Variants in BMERB1 observed in about 807,000 individuals in gnomAD.
BMERB1 encodes bMERB domain containing 1, also known as bMERB domain-containing protein 1.
Under a neutral mutation model 23.6 loss-of-function variants are expected in BMERB1, and 12 were observed. The observed-to-expected ratio is 0.51, with a 90% CI of 0.33 to 0.82. The LOEUF (loss-of-function observed/expected upper bound fraction) is 0.82. Among genes scored for constraint, BMERB1 ranks in the 40% least tolerant of loss-of-function variants. The pLI, the probability that BMERB1 is intolerant of heterozygous loss-of-function variation, is 0.03. For synonymous variants in BMERB1, 122 were observed against 96.6 expected, an observed-to-expected ratio of 1.26 and a Z score of -1.54; for missense variants, 247 against 255.4, an observed-to-expected ratio of 0.97 and a Z score of 0.22.
At chr16:15,480,357 G>T (rs749867582) in intron 1 of BMERB1, among the ~76,000 whole-genome samples, 16 of 151,816 alleles carry the variant, frequency 1.1e-4, no homozygotes, top group African/African-American at 3.9e-4. Context: ...CTCGTGATCC[G>T]CCCGTCTAGG....
At chr16:15,542,506 A>G (rs2052096255) in intron 2 of BMERB1, among the ~76,000 whole-genome samples, 1 of 152,120 alleles carries the variant, frequency 6.6e-6, no homozygotes, top group Non-Finnish European at 1.5e-5. Flanking sequence ...TATGGATAAC[A>G]AAAGACAGTC....
intron 2 of BMERB1, among the ~76,000 whole-genome samples, chr16:15,550,229 C>T (rs142229687): frequency 1.2e-4 from 18 of 152,228 alleles, no homozygotes; most frequent in South Asian, 1.0e-3. Context: ...TGTGAGCCAC[C>T]GCGCCCGGCC....
intron 1 of BMERB1, among the ~76,000 whole-genome samples, chr16:15,458,640 C>T (rs2051107873): frequency 6.6e-6 from 1 of 151,162 alleles, no homozygotes; most frequent in East Asian, 1.9e-4. Context: ...TTGTTTGAGC[C>T]CAGAAGGTCA....
chr16:15,535,731 A>C (rs1057140384), intron 2 of BMERB1, among the ~76,000 whole-genome samples: 3 of 151,992 alleles, frequency 2.0e-5, no homozygotes, highest in African/African-American at 4.8e-5. Context: ...ATTTTGTATT[A>C]GTCCATTTTC....
At chr16:15,510,292 A>G (rs1165778856) in intron 1 of BMERB1, among the ~76,000 whole-genome samples, 1 of 152,172 alleles carries the variant, frequency 6.6e-6, no homozygotes, top group Non-Finnish European at 1.5e-5. Flanking sequence ...TGCCTGGACC[A>G]GAGGCAGCTG....
intron 1 of BMERB1, among the ~76,000 whole-genome samples, chr16:15,501,024 T>C (rs1303226922): frequency 6.6e-6 from 1 of 152,228 alleles, no homozygotes; most frequent in Non-Finnish European, 1.5e-5. Flanking sequence ...CCAAAAAGGA[T>C]ATAAAACATC....
chr16:15,475,762 A>C (rs1042109077), intron 1 of BMERB1, among the ~76,000 whole-genome samples: 1 of 152,218 alleles, frequency 6.6e-6, no homozygotes, highest in Non-Finnish European at 1.5e-5. Flanking sequence ...CAGCAGGGGA[A>C]TCAGACTGTT....
rs150793082 is a variant in BMERB1 at position 15,444,123 on chromosome 16, G to GTTTTTTTTTTTTTTTTTTT, written c.106+9373_106+9391dup. Among the ~76,000 whole-genome samples the GTTTTTTTTTTTTTTTTTTT allele has an allele frequency of 3.4e-3, 120 of 35,614 alleles. 23 individuals carry two copies. The highest frequency in any genetic ancestry group is 0.04 in the Middle Eastern group (2 of 50). The allele number at this position is 35,614 out of a possible 152,430, so 23.4% of individuals were successfully genotyped here. ...AGGCCAGGGTCCAGGCACCAGCTTT[G>GTTTTTTTTTTTTTTTTTTT]TTTTTTTTTTTTTTTTTTTTTTTTT... On this transcript the variant is annotated intron_variant, in intron 1 of 5. Coordinates refer to ENST00000300006, the MANE Select transcript of BMERB1 (RefSeq NM_033201.3).
intron 1 of BMERB1, among the ~76,000 whole-genome samples, chr16:15,475,445 C>G (rs919206409): frequency 6.6e-6 from 1 of 152,172 alleles, no homozygotes; most frequent in African/African-American, 2.4e-5. Flanking sequence ...CTGTTGTACT[C>G]ACAGTTACAG....
intron 1 of BMERB1, among the ~76,000 whole-genome samples, chr16:15,451,605 CCA>C (rs1288460823): frequency 1.4e-5 from 2 of 138,170 alleles, no homozygotes. Context: ...GTTACCGAGG[CCA>C]GAGTGCAGTG....
At chr16:15,516,760 C>A (rs1270584026) in intron 2 of BMERB1, among the ~76,000 whole-genome samples, 3 of 152,186 alleles carry the variant, frequency 2.0e-5, no homozygotes, top group African/African-American at 7.2e-5. Flanking sequence ...AATGAAACAG[C>A]CTGCCCAAGG....
chr16:15,468,132 C>T (rs1450367355), intron 1 of BMERB1, among the ~76,000 whole-genome samples: 33 of 48,052 alleles, frequency 6.9e-4, no homozygotes, highest in Admixed American at 2.2e-3. Context: ...TTTCTTTCTT[C>T]TTCTTTTTTT....
intron 1 of BMERB1, among the ~76,000 whole-genome samples, chr16:15,457,553 A>T (rs1157451034): frequency 1.3e-5 from 2 of 152,156 alleles, no homozygotes; most frequent in Non-Finnish European, 2.9e-5. Flanking sequence ...CTAACCATGC[A>T]GCAGTCTGTG....
intron 1 of BMERB1, among the ~76,000 whole-genome samples, chr16:15,500,639 A>G (rs1342302128): frequency 2.6e-5 from 4 of 152,166 alleles, no homozygotes. Context: ...GCCATTCCAA[A>G]TTGAGATCTG....
intron 2 of BMERB1, among the ~76,000 whole-genome samples, chr16:15,567,393 A>G (rs1174596948): frequency 2.6e-5 from 4 of 152,114 alleles, no homozygotes; most frequent in Non-Finnish European, 5.9e-5. Context: ...GAACCCACTT[A>G]TATAAGCAAA....
chr16:15,456,459 C>CAGGAGT (rs1315867984), intron 1 of BMERB1, among the ~76,000 whole-genome samples: 1 of 151,914 alleles, frequency 6.6e-6, no homozygotes, highest in Non-Finnish European at 1.5e-5. Context: ...GCCTCAGTCA[C>CAGGAGT]AGGAGTAGCT....
At chr16:15,462,339 G>C (rs930907448) in intron 1 of BMERB1, among the ~76,000 whole-genome samples, 1 of 151,442 alleles carries the variant, frequency 6.6e-6, no homozygotes, top group Non-Finnish European at 1.5e-5. Context: ...TTTTTAGTAG[G>C]GACAGGGTTT....
intron 4 of BMERB1, among the ~76,000 whole-genome samples, chr16:15,582,391 A>T (rs8050202): frequency 0.085 from 12,952 of 152,132 alleles, 1,696 homozygotes; most frequent in African/African-American, 0.28. Flanking sequence ...ACAGAGTGAG[A>T]TTCCATCTCA....
intron 2 of BMERB1, among the ~76,000 whole-genome samples, chr16:15,544,703 C>A (rs1279299853): frequency 2.0e-5 from 3 of 152,200 alleles, no homozygotes; most frequent in African/African-American, 4.8e-5. Flanking sequence ...AATAACACTA[C>A]TCCTGAAGGC....
Sources: gnomAD v4.1 joint callset for allele counts (sites outside exome capture counted in the v4.1 genomes callset) on GRCh38, gnomAD v4.1.1 for gene constraint, MANE v1.5 for transcripts, NCBI Gene and HGNC (gene_info 2026-07-23, HGNC 2026-07-21) for gene names.